XKR9: variants seen among roughly 807,000 people sequenced by gnomAD.
The protein encoded by XKR9 is XK related 9, also known as XK-related protein 9.
XKR9 carries 32 observed loss-of-function variants against 32.0 expected under a neutral mutation model. That is an observed-to-expected ratio of 1.00 (90% CI 0.76 to 1.34). XKR9 has a LOEUF of 1.34. Ranked by LOEUF, XKR9 falls within the 40% of genes most tolerant of loss-of-function variation. The probability of loss-of-function intolerance (pLI) is 0.00; values close to 1 mark genes in which losing one functional copy is unlikely to be tolerated. For missense variants in XKR9, 546 were observed against 429.7 expected, an observed-to-expected ratio of 1.27 and a Z score of -2.39; for synonymous variants, 168 against 143.4, an observed-to-expected ratio of 1.17 and a Z score of -1.22.
intron 3 of XKR9, among the ~76,000 whole-genome samples, chr8:70,681,674 A>G (rs1244351050): frequency 6.6e-6 from 1 of 152,066 alleles, no homozygotes; most frequent in Non-Finnish European, 1.5e-5. Flanking sequence ...TGTAACTGAG[A>G]GAGTACTCAC....
At chr8:71,056,944 C>G in the XKR9 span, among the ~76,000 whole-genome samples, 1 of 152,072 alleles carries the variant, frequency 6.6e-6, no homozygotes, top group South Asian at 2.1e-4. Context: ...ACTTATTATC[C>G]TGAATATGTT....
chr8:70,830,158 T>G, the XKR9 span, among the ~76,000 whole-genome samples: 1 of 152,300 alleles, frequency 6.6e-6, no homozygotes, highest in Admixed American at 6.5e-5. Flanking sequence ...TTGTGATTTC[T>G]TTCACCAAAA....
chr8:71,001,884 C>T, the XKR9 span, among the ~76,000 whole-genome samples: 1 of 152,176 alleles, frequency 6.6e-6, no homozygotes, highest in Non-Finnish European at 1.5e-5. Flanking sequence ...TATTTATCTT[C>T]TGCTGTGGTT....
the XKR9 span, among the ~76,000 whole-genome samples, chr8:70,953,318 G>C: frequency 6.6e-6 from 1 of 152,054 alleles, no homozygotes; most frequent in Non-Finnish European, 1.5e-5. Context: ...TATTATTATT[G>C]TTACTATTAT....
At chr8:70,711,191 T>C (rs1469892528) in intron 4 of XKR9, among the ~76,000 whole-genome samples, 1 of 152,190 alleles carries the variant, frequency 6.6e-6, no homozygotes, top group Non-Finnish European at 1.5e-5. Flanking sequence ...TGTAAATTAG[T>C]TCAGCCATTG....
the XKR9 span, among the ~76,000 whole-genome samples, chr8:71,023,926 G>A: frequency 6.6e-6 from 1 of 152,148 alleles, no homozygotes; most frequent in East Asian, 1.9e-4. Context: ...GCATGCTTGG[G>A]CACTGGCAAC....
the XKR9 span, among the ~76,000 whole-genome samples, chr8:70,986,138 T>C: frequency 0.1 from 15,414 of 152,194 alleles, 861 homozygotes; most frequent in African/African-American, 0.14. Context: ...AGGGCGACAA[T>C]ATGAAGAAAA....
chr8:70,835,183 T>C, the XKR9 span, among the ~76,000 whole-genome samples: 6 of 152,248 alleles, frequency 3.9e-5, 1 homozygote, highest in Admixed American at 3.9e-4. Context: ...GAAGACGCCA[T>C]AGCTCAGGAA....
chr8:70,934,204 A>G, the XKR9 span, among the ~76,000 whole-genome samples: 1 of 152,000 alleles, frequency 6.6e-6, no homozygotes, highest in Non-Finnish European at 1.5e-5. Flanking sequence ...TGTTAAACTG[A>G]TATTCTGTTG....
intron 2 of XKR9, among the ~76,000 whole-genome samples, chr8:70,679,091 C>T (rs1022369261): frequency 6.6e-6 from 1 of 152,170 alleles, no homozygotes; most frequent in Non-Finnish European, 1.5e-5. Context: ...TGGCTGCCTT[C>T]TTGTGTCCTC....
the XKR9 span, among the ~76,000 whole-genome samples, chr8:70,881,412 C>G: frequency 6.6e-6 from 1 of 151,994 alleles, no homozygotes; most frequent in South Asian, 2.1e-4. Context: ...TGAACTCAAA[C>G]AAATTTACAA....
the XKR9 span, among the ~76,000 whole-genome samples, chr8:71,049,718 A>C: frequency 6.6e-6 from 1 of 152,300 alleles, no homozygotes; most frequent in South Asian, 2.1e-4. Flanking sequence ...AGAGGGGATA[A>C]AGAAGGGAGG....
intron 2 of XKR9, among the ~76,000 whole-genome samples, chr8:70,778,719 G>T (rs1380647523): frequency 6.6e-6 from 1 of 152,088 alleles, no homozygotes; most frequent in Non-Finnish European, 1.5e-5. Flanking sequence ...AATTGTGAAT[G>T]GGAGTTCACT....
intron 2 of XKR9, among the ~76,000 whole-genome samples, chr8:70,753,029 TAAAG>T (rs1294776221): frequency 6.6e-5 from 10 of 151,752 alleles, no homozygotes; most frequent in South Asian, 4.2e-4. Context: ...GCAAGACTAA[TAAAG>T]AAGAAGAGAG....
At chr8:70,816,169 A>G in the XKR9 span, among the ~76,000 whole-genome samples, 1 of 152,216 alleles carries the variant, frequency 6.6e-6, no homozygotes, top group East Asian at 1.9e-4. Flanking sequence ...GGAGAAGAAT[A>G]GAGAACGCAG....
At chr8:70,919,662 T>A in the XKR9 span, among the ~76,000 whole-genome samples, 13 of 152,190 alleles carry the variant, frequency 8.5e-5, no homozygotes, top group Non-Finnish European at 1.6e-4. Flanking sequence ...CCTATCACAG[T>A]GATCCCAGAG....
At chr8:70,764,570 AG>A (rs1456497898) in intron 2 of XKR9, among the ~76,000 whole-genome samples, 2 of 152,106 alleles carry the variant, frequency 1.3e-5, no homozygotes, top group Admixed American at 1.3e-4. Context: ...TTTGTTAAAG[AG>A]GGGGATAAAA....
the XKR9 span, among the ~76,000 whole-genome samples, chr8:70,816,253 C>G: frequency 6.6e-6 from 1 of 152,102 alleles, no homozygotes; most frequent in Non-Finnish European, 1.5e-5. Context: ...GAAAGGACAA[C>G]CTTTTCAATA....
chr8:70,978,188 A>G, the XKR9 span, among the ~76,000 whole-genome samples: 1 of 152,110 alleles, frequency 6.6e-6, no homozygotes, highest in Non-Finnish European at 1.5e-5. Context: ...CTCTTTATCC[A>G]ATTTGCCAGT....
Sources: allele counts gnomAD v4.1 joint callset (sites outside exome capture counted in the v4.1 genomes callset), GRCh38; gene constraint gnomAD v4.1.1; transcripts MANE v1.5; gene names NCBI Gene and HGNC (gene_info 2026-07-23, HGNC 2026-07-21).